Variants in RIMS1 observed in about 807,000 individuals in gnomAD.
The protein encoded by RIMS1 is regulating synaptic membrane exocytosis 1.
Under a neutral mutation model 214.1 loss-of-function variants are expected in RIMS1, and 83 were observed. The ratio of observed to expected loss-of-function variants is 0.39; its 90% CI spans 0.32 to 0.47. The LOEUF is 0.47. Ranked by LOEUF, RIMS1 falls within the 20% of genes least tolerant of loss-of-function variation. RIMS1 has a pLI of 0.99. For synonymous variants in RIMS1, 793 were observed against 786.8 expected (o/e 1.01, Z -0.13); for missense variants, 2,050 against 2,161.8 (o/e 0.95, Z 1.03).
At chr6:71,901,753 G>A (rs1467877604) in intron 1 of RIMS1, among the ~76,000 whole-genome samples, 1 of 152,066 alleles carries the variant, frequency 6.6e-6, no homozygotes, top group Non-Finnish European at 1.5e-5. Context: ...CTTACTACGT[G>A]TGCATTTCAC....
intron 4 of RIMS1, among the ~76,000 whole-genome samples, chr6:72,102,690 G>A (rs1481789527): frequency 1.3e-5 from 2 of 151,996 alleles, no homozygotes; most frequent in Non-Finnish European, 2.9e-5. Flanking sequence ...GTATTATAAG[G>A]TGTTGTCTGT....
intron 29 of RIMS1, among the ~76,000 whole-genome samples, chr6:72,349,701 G>C (rs762353140): frequency 1.3e-5 from 2 of 151,834 alleles, no homozygotes; most frequent in Non-Finnish European, 2.9e-5. Flanking sequence ...GAAACCCACA[G>C]GAAAAATAAA....
chr6:72,357,567 T>G (rs868397040), intron 29 of RIMS1, among the ~76,000 whole-genome samples: 1 of 152,206 alleles, frequency 6.6e-6, no homozygotes, highest in Non-Finnish European at 1.5e-5. Flanking sequence ...TTTGGCAATT[T>G]TCTTTTCACC....
intron 22 of RIMS1, among the ~76,000 whole-genome samples, chr6:72,266,860 T>C (rs1308266457): frequency 1.3e-5 from 2 of 152,062 alleles, no homozygotes; most frequent in African/African-American, 2.4e-5. Context: ...AGAAGACATT[T>C]GCATACTACC....
intron 9 of RIMS1, among the ~76,000 whole-genome samples, chr6:72,240,636 T>C (rs1229038560): frequency 3.0e-4 from 44 of 146,420 alleles, no homozygotes; most frequent in African/African-American, 8.2e-4. Context: ...TTTTCTTTTT[T>C]TTTTTTTTTT....
intron 2 of RIMS1, among the ~76,000 whole-genome samples, chr6:72,059,480 C>T (rs537303206): frequency 1.3e-5 from 2 of 152,138 alleles, no homozygotes. Context: ...CCATCCCCCT[C>T]GGCCTCCCAA....
intron 8 of RIMS1, among the ~76,000 whole-genome samples, chr6:72,237,229 G>GA (rs200431992): frequency 2.3e-3 from 272 of 118,316 alleles, no homozygotes; most frequent in African/African-American, 7.9e-3. Context: ...GAGAGAGAGA[G>GA]AAAAAAAAAA....
chr6:72,116,990 A>G (rs1000280027), intron 4 of RIMS1, among the ~76,000 whole-genome samples: 3 of 151,948 alleles, frequency 2.0e-5, no homozygotes, highest in Non-Finnish European at 4.4e-5. Flanking sequence ...TCTCCATGTG[A>G]CAGATGAGAA....
At chr6:72,213,358 T>C in intron 6 of RIMS1, 1 of 757,386 alleles carries the variant, frequency 1.3e-6, no homozygotes, top group Middle Eastern at 3.1e-4. Context: ...GTGTTCTTAA[T>C]TGAATAAAGT....
At chr6:72,142,244 T>C (rs2042162113) in intron 4 of RIMS1, among the ~76,000 whole-genome samples, 1 of 152,012 alleles carries the variant, frequency 6.6e-6, no homozygotes, top group African/African-American at 2.4e-5. Flanking sequence ...AAAAGTAAAT[T>C]GACCTGCTAT....
intron 28 of RIMS1, among the ~76,000 whole-genome samples, chr6:72,317,748 A>G (rs1593232348): frequency 6.6e-6 from 1 of 152,076 alleles, no homozygotes; most frequent in South Asian, 2.1e-4. Context: ...TATATATCCA[A>G]TACATGAAGC....
At chr6:71,947,859 T>C (rs1788361798) in intron 1 of RIMS1, among the ~76,000 whole-genome samples, 1 of 152,060 alleles carries the variant, frequency 6.6e-6, no homozygotes. Context: ...CATACACATA[T>C]ATATTATATA....
chr6:72,010,257 A>G (rs1809891546), intron 2 of RIMS1, among the ~76,000 whole-genome samples: 2 of 152,240 alleles, frequency 1.3e-5, no homozygotes, highest in African/African-American at 4.8e-5. Flanking sequence ...GATGCAGAAA[A>G]GTCCATTGAC....
chr6:71,930,551 C>CT (rs1782731941), intron 1 of RIMS1, among the ~76,000 whole-genome samples: 1 of 152,092 alleles, frequency 6.6e-6, no homozygotes, highest in Admixed American at 6.5e-5. Context: ...CAGGTAGTTA[C>CT]TTTGAAGGCT....
chr6:72,334,168 A>G (rs2096763897), intron 29 of RIMS1, among the ~76,000 whole-genome samples: 1 of 151,906 alleles, frequency 6.6e-6, no homozygotes, highest in African/African-American at 2.4e-5. Context: ...TCTCTTTTTC[A>G]AAATGTTCCA....
At chr6:72,212,878 G>C in intron 6 of RIMS1, 1 of 1,189,160 alleles carries the variant, frequency 8.4e-7, no homozygotes, top group Non-Finnish European at 1.0e-6. Context: ...TATCCAAGCA[G>C]TCCTTTGGGT....
At chr6:71,959,004 T>C (rs1792122649) in intron 1 of RIMS1, among the ~76,000 whole-genome samples, 1 of 152,170 alleles carries the variant, frequency 6.6e-6, no homozygotes, top group East Asian at 1.9e-4. Context: ...AGTATTAAAG[T>C]TGCCATGTAA....
At chr6:72,213,137 G>T (rs1562597892) in intron 6 of RIMS1, 2 of 1,536,906 alleles carry the variant, frequency 1.3e-6, no homozygotes, top group Non-Finnish European at 1.7e-6. Context: ...GTGCACCTGG[G>T]ATTCATGTCT....
At chr6:72,153,877 A>T (rs1038909202) in intron 4 of RIMS1, among the ~76,000 whole-genome samples, 1 of 152,210 alleles carries the variant, frequency 6.6e-6, no homozygotes, top group Admixed American at 6.5e-5. Context: ...TATAGTTTAA[A>T]ATTTTAAAAA....
Sources: gnomAD v4.1 joint callset for allele counts (sites outside exome capture counted in the v4.1 genomes callset) on GRCh38, gnomAD v4.1.1 for gene constraint, MANE v1.5 for transcripts, NCBI Gene and HGNC (gene_info 2026-07-23, HGNC 2026-07-21) for gene names.